Variants in FNBP4 observed in about 807,000 individuals in gnomAD.
The protein encoded by FNBP4 is formin-binding protein 4.
In FNBP4, 34 loss-of-function variants were observed where a neutral mutation model predicts 119.3. The ratio of observed to expected loss-of-function variants is 0.28; its 90% CI spans 0.22 to 0.38. The LOEUF (loss-of-function observed/expected upper bound fraction) is 0.38, where lower values mean the gene tolerates loss of function less well. Ranked by LOEUF, FNBP4 falls within the 10% of genes least tolerant of loss-of-function variation. The pLI is 1.00. For synonymous variants in FNBP4, 462 were observed against 430.6 expected (o/e 1.07, Z -0.90); for missense variants, 1,112 against 1,228.9 (o/e 0.90, Z 1.42).
Position 47,753,112 on chromosome 11 carries a change from GAA to G in FNBP4, c.451-12_451-11del. 1 of 1,584,548 alleles carries G rather than the reference GAA, an allele frequency of 6.3e-7. No individual in the cohort carries two copies. The highest frequency in any genetic ancestry group is 8.6e-7 in the Non-Finnish European group (1 of 1,169,516). On this transcript the variant is annotated splice_polypyrimidine_tract_variant and intron_variant, in intron 3 of 16. Transcript: ENST00000263773. ...TTATGGCATCGATCTCCTTCAGTAT[GAA>G]AAGAGTAACAAATGCAGTAATTATA...
chr11:47,720,766 T>TAA (rs200481292), intron 15 of FNBP4, among the ~76,000 whole-genome samples: 15,311 of 122,386 alleles, frequency 0.13, 1,091 homozygotes, highest in Middle Eastern at 0.2. Flanking sequence ...CCAAGTGATT[T>TAA]AAAAAAAAAA....
chr11:47,750,688 CAAAAAAAAAAAAAAAAAA>C (rs67153479), intron 6 of FNBP4, among the ~76,000 whole-genome samples: 20 of 68,068 alleles, frequency 2.9e-4, no homozygotes, highest in Admixed American at 9.6e-4. Context: ...GACTCTGTCT[CAAAAAAAAAAAAAAAAAA>C]AAAAAAAAAA....
chr11:47,754,761 C>T (rs1331183192), intron 2 of FNBP4, 97 bp from the exon 3 acceptor site: 2 of 1,373,518 alleles, frequency 1.5e-6, no homozygotes, highest in Non-Finnish European at 1.0e-6. Flanking sequence ...TTTAAACTTA[C>T]TTACAGATTA....
chr11:47,763,420 C>CA (rs34974843), intron 2 of FNBP4, among the ~76,000 whole-genome samples: 13 of 126,368 alleles, frequency 1.0e-4, no homozygotes, highest in African/African-American at 3.9e-4. Context: ...CACTTGAACT[C>CA]AAAAAAAAAA....
In FNBP4 at chr11:47,732,393, C is replaced by T. The variant is rs1042932579; in HGVS notation, c.1820+144G>A. On this transcript the variant is annotated intron_variant, in intron 11 of 16. Transcript: ENST00000263773. This position sits in a 1 kb window ranked among gnomAD's most constrained non-coding sequence, Gnocchi z 4.2. ...AATGTGTGGCTGGCCAAACTTTGTG[C>T]TTGCGGTGCTTTGCCTGCCCAGCAC... 7.9e-6 allele frequency: 12 copies of T among 1,514,232 alleles called. No individual in the cohort carries two copies. The Admixed American group carries it at 2.3e-4, about 29-fold the overall frequency. 93.8% of individuals were successfully genotyped at this position (1,514,232 alleles called of 1,614,324 possible).
intron 15 of FNBP4, 58 bp from the exon 16 acceptor site, chr11:47,720,144 C>CT: frequency 1.3e-6 from 2 of 1,512,048 alleles, no homozygotes; most frequent in Admixed American, 2.1e-5. Flanking sequence ...GATAAGCGTC[C>CT]TCTACAATGG....
intron 2 of FNBP4, among the ~76,000 whole-genome samples, chr11:47,759,851 G>A (rs2097629314): frequency 6.6e-6 from 1 of 152,150 alleles, no homozygotes; most frequent in Admixed American, 6.6e-5. Context: ...TACTTGGGAG[G>A]CTGAGGCAGG....
chr11:47,722,955 A>T (rs772616693), intron 15 of FNBP4, 21 bp downstream of exon 15: 44 of 1,476,038 alleles, frequency 3.0e-5, no homozygotes, highest in Non-Finnish European at 3.7e-5. Flanking sequence ...ATAAATTTTT[A>T]AAAAGGGAAA....
rs2097558551 is a variant in FNBP4, at chr11:47,724,128, T to C, written c.2364A>G (p.Gly788=). 1.2e-6 allele frequency: 2 copies of C among 1,614,198 alleles called. No homozygotes were observed. Among genetic ancestry groups the C allele is most frequent in the East Asian group, 4.5e-5 (2 of 44,886 alleles). ...TAATTTCTGTAGCTTTCCTCTTTATTCCTTTAGTGGAAGAAGAACTAGAGA... is the reference window on the plus strand; with the variant it reads ...TAATTTCTGTAGCTTTCCTCTTTATCCCTTTAGTGGAAGAAGAACTAGAGA... ...STISSSSSTK[G]IKRKATEIST... is the part of the protein sequence containing the mutation. Residue 788 remains glycine (G), a synonymous_variant, in exon 14 of 17, where the codon GGA becomes GGG. Coordinates refer to ENST00000263773, the MANE Select transcript of FNBP4 (RefSeq NM_015308.5).
At chr11:47,761,742 T>C (rs911731656) in intron 2 of FNBP4, among the ~76,000 whole-genome samples, 9 of 151,900 alleles carry the variant, frequency 5.9e-5, no homozygotes, top group Non-Finnish European at 1.3e-4. Flanking sequence ...AGTGAGACCA[T>C]GTCTACAGAA....
At chr11:47,738,730 G>GA (rs2097577517) in intron 8 of FNBP4, among the ~76,000 whole-genome samples, 1 of 151,788 alleles carries the variant, frequency 6.6e-6, no homozygotes, top group Non-Finnish European at 1.5e-5. Context: ...GCCCAGGCTG[G>GA]AGAACAGTGG....
chr11:47,732,805 A>C lies in FNBP4; in HGVS notation c.1687-135T>G. The C allele has an allele frequency of 1.3e-6, 1 of 787,766 alleles. No homozygotes were observed. The highest frequency in any genetic ancestry group is 2.0e-6 in the Non-Finnish European group (1 of 493,052). The allele number at this position is 787,766 out of a possible 1,614,324, so 48.8% of individuals were successfully genotyped here. On this transcript the variant is annotated intron_variant, in intron 10 of 16. Transcript: ENST00000263773. The surrounding 1 kb of genome is among the most constrained non-coding windows in gnomAD (Gnocchi z 4.2). Reference sequence around the variant, plus strand: ...GACAGTAGACCAGAGAGGAAAATAAACCCCATCTTCATCTCATAAAATAAT... The same window carrying C: ...GACAGTAGACCAGAGAGGAAAATAACCCCCATCTTCATCTCATAAAATAAT...
rs1195412706 is a variant in FNBP4 at position 47,732,761 on chromosome 11, T to C, written c.1687-91A>G. 1.7e-5 allele frequency: 20 copies of C among 1,209,494 alleles called. No homozygotes were observed. The highest frequency in any genetic ancestry group is 2.1e-5 in the Non-Finnish European group (17 of 827,234). 74.9% of individuals were successfully genotyped at this position (1,209,494 alleles called of 1,614,324 possible). The stretch of plus-strand genomic sequence containing the variant: ...ATATAAACCTTCTGCTCCAAGACTA[T>C]ATCCCTGTGCTCTGGCAGGACAGTA... On this transcript the variant is annotated intron_variant, in intron 10 of 16. Coordinates refer to ENST00000263773, the MANE Select transcript of FNBP4 (RefSeq NM_015308.5). The surrounding 1 kb of genome is among the most constrained non-coding windows in gnomAD (Gnocchi z 4.2).
At chr11:47,737,150 C>T (rs2097575389) in intron 8 of FNBP4, among the ~76,000 whole-genome samples, 1 of 152,150 alleles carries the variant, frequency 6.6e-6, no homozygotes, top group Non-Finnish European at 1.5e-5. Context: ...GAGATTGCGC[C>T]ACTGTACTCC....
Position 47,732,667 on chromosome 11 carries a change from G to T in FNBP4, c.1690C>A (p.Arg564=), listed in dbSNP as rs1192739560. The change falls in exon 11 of 17, where the codon CGA becomes AGA. Residue 564 remains arginine (R), a synonymous_variant. Coordinates refer to ENST00000263773, the MANE Select transcript of FNBP4 (RefSeq NM_015308.5). This position sits in a 1 kb window ranked among gnomAD's most constrained non-coding sequence, Gnocchi z 4.2. ...GCCCCTTCCCGCCAGTCTGCAATTC[G>T]AGTCTAGAATAAACAGACAAATAAG... ...FHVLLLQTET[R]IADWREGALN... is the part of the protein sequence containing the mutation. 1 of 1,613,920 alleles carries T rather than the reference G, an allele frequency of 6.2e-7. No homozygotes were observed. Among genetic ancestry groups the T allele is most frequent in the East Asian group, 2.2e-5 (1 of 44,902 alleles).
chr11:47,734,026 T>C lies in FNBP4; in HGVS notation c.1685A>G (p.Glu562Gly). ...SNFHVLLLQT[E>G]TRIADWREGA... ...AAAAAAAAAAAAAAAAAGACTTACC[T>C]CAGTCTGTAAGAGCAGCACATGAAA... Residue 562 changes from glutamate (E) to glycine (G), a missense_variant and splice_region_variant, in exon 10 of 17, where the codon GAG becomes GGG. This residue lies in a region of FNBP4 where 826 missense variants were observed against 988.8 expected (regional missense o/e 0.84). Transcript: ENST00000263773. 4 of 1,114,586 alleles carry C rather than the reference T, an allele frequency of 3.6e-6. No homozygotes were observed. The highest frequency in any genetic ancestry group is 2.2e-4 in the Middle Eastern group (1 of 4,508). 69.0% of individuals were successfully genotyped at this position (1,114,586 alleles called of 1,614,324 possible).
intron 13 of FNBP4, 110 bp from the exon 14 acceptor site, chr11:47,724,282 G>C (rs2097558736): frequency 6.6e-7 from 1 of 1,516,576 alleles, no homozygotes; most frequent in African/African-American, 1.4e-5. Flanking sequence ...AGCTGCAGTG[G>C]TGAGATCATG....
At chr11:47,724,403 A>G in intron 13 of FNBP4, 65 bp downstream of exon 13, 1 of 1,609,590 alleles carries the variant, frequency 6.2e-7, no homozygotes, top group Non-Finnish European at 8.5e-7. Context: ...CTTCTAAAAT[A>G]AAACATGGTG....
chr11:47,723,090 C>T lies in FNBP4; in HGVS notation c.2691G>A (p.Val897=), dbSNP rs1599158932. The T allele has an allele frequency of 3.1e-6, 5 of 1,612,750 alleles. No homozygotes were observed. The highest frequency in any genetic ancestry group is 1.3e-5 in the African/African-American group (1 of 74,796). Residue 897 remains valine (V), a synonymous_variant, in exon 15 of 17, where the codon GTG becomes GTA. Coordinates refer to ENST00000263773, the MANE Select transcript of FNBP4 (RefSeq NM_015308.5). ...GTGGTTCTATAATGGTAGCGGTAGG[C>T]ACAGCACCTCGGGCCTGAACTGGCT... is the stretch of plus-strand genomic sequence containing the variant. ...SLQPVQARGA[V]PTATIIEPPP... is the part of the protein sequence containing the mutation.
Sources: gnomAD v4.1 joint callset for allele counts (sites outside exome capture counted in the v4.1 genomes callset) on GRCh38, gnomAD v4.1.1 for gene constraint, gnomAD v4.1.1 regional missense constraint, Gnocchi (gnomAD v3.1) non-coding constraint, MANE v1.5 for transcripts, NCBI Gene and HGNC (gene_info 2026-07-23, HGNC 2026-07-21) for gene names.